ZNF331: variants seen among roughly 807,000 people sequenced by gnomAD.
ZNF331 encodes zinc finger protein 331.
A neutral mutation model predicts 7.0 loss-of-function variants in ZNF331; 2 were observed. The observed-to-expected ratio is 0.29, with a 90% CI of 0.12 to 0.90. The LOEUF is 0.90. Among genes scored for constraint, ZNF331 ranks in the 40% least tolerant of loss-of-function variants. The pLI is 0.58. For missense variants in ZNF331, 432 were observed against 587.7 expected (o/e 0.74, Z 2.74); for synonymous variants, 196 against 205.4 (o/e 0.95, Z 0.39).
chr19:53,539,578 A>G lies in ZNF331; in HGVS notation c.-138+296A>G, dbSNP rs6509789. On this transcript the variant is annotated intron_variant, in intron 2 of 5. Transcript: ENST00000449416. This position sits in a 1 kb window ranked among gnomAD's most constrained non-coding sequence, Gnocchi z 6.1. ...GGGATGGGTGTTTGCAGGTTCACAA[A>G]ATGAACCACAGCCTCAAATGGCCTA... 5 of 152,086 alleles carry G rather than the reference A, an allele frequency of 3.3e-5. No individual in the cohort carries two copies. Among genetic ancestry groups the G allele is most frequent in the Non-Finnish European group, 7.4e-5 (5 of 68,024 alleles). The allele number at this position is 152,086 out of a possible 1,614,324, so 9.4% of individuals were successfully genotyped here.
At position 53,560,734 on chromosome 19, in the gene ZNF331, C is replaced by G. The variant is rs1030499836; in HGVS notation, c.-74+4826C>G. On this transcript the variant is annotated intron_variant, in intron 3 of 5. Transcript: ENST00000449416. The surrounding 1 kb of genome is among the most constrained non-coding windows in gnomAD (Gnocchi z 4.3). ...AGTTCGTGACCCCTTCTTCCATCAG[C>G]AAAGCCTGAAAAGACAAGTCCTTTT... 6.6e-6 allele frequency among the ~76,000 whole-genome samples: 1 copy of G among 152,136 alleles called. No individual in the cohort carries two copies. Among genetic ancestry groups the G allele is most frequent in the African/African-American group, 2.4e-5 (1 of 41,412 alleles).
At position 53,538,225 on chromosome 19, in the gene ZNF331, G is replaced by C. The variant is rs1312306625; in HGVS notation, c.-276G>C. 6.6e-6 allele frequency: 1 copy of C among 152,328 alleles called. No individual in the cohort carries two copies. The highest frequency in any genetic ancestry group is 1.9e-4 in the East Asian group (1 of 5,164). The allele number at this position is 152,328 out of a possible 1,614,324, so 9.4% of individuals were successfully genotyped here. Reference sequence around the variant, plus strand: ...ACGGGTGCACGCGAGCGTCATTGGGGGCGATGGGGGCCGTGCTGGGTGCGC... The same window carrying C: ...ACGGGTGCACGCGAGCGTCATTGGGCGCGATGGGGGCCGTGCTGGGTGCGC... On this transcript the variant is annotated 5_prime_UTR_variant, in exon 1 of 6. Coordinates refer to ENST00000449416, the MANE Select transcript of ZNF331 (RefSeq NM_001079906.2).
rs2090448747 is a variant in ZNF331 at position 53,571,610 on chromosome 19, G to A, written c.16G>A (p.Val6Met). 6.2e-7 allele frequency: 1 copy of A among 1,613,746 alleles called. No homozygotes were observed. Among genetic ancestry groups the A allele is most frequent in the South Asian group, 1.1e-5 (1 of 91,052 alleles). Residue 6 changes from valine to methionine, a missense_variant, in exon 5 of 6, where the codon GTG (valine) becomes ATG (methionine). Coordinates refer to ENST00000449416, the MANE Select transcript of ZNF331 (RefSeq NM_001079906.2). This position sits in a 1 kb window ranked among gnomAD's most constrained non-coding sequence, Gnocchi z 4.7. MAQGL[V>M]TFADVAIDFS... is the part of the protein sequence containing the mutation. ...GTGTGGGTTTCTGTTTCAGGGTTTG[G>A]TGACGTTCGCCGACGTAGCCATAGA...
Position 53,580,084 on chromosome 19 carries a change from CAA to C in ZNF331, c.*2133_*2134del, listed in dbSNP as rs150517137. The C allele has an allele frequency of 4.9e-3, 1,044 of 211,414 alleles. 12 individuals are homozygous for C. The highest frequency in any genetic ancestry group is 0.022 in the African/African-American group (980 of 44,220). The allele number at this position is 211,414 out of a possible 1,614,324, so 13.1% of individuals were successfully genotyped here. Reference sequence around the variant, plus strand: ...GATGATTAAATTTAAATCACAATAACAAGGCTGATTTCAGATGTCTCACCACA... The same window carrying C: ...GATGATTAAATTTAAATCACAATAACGGCTGATTTCAGATGTCTCACCACA... On this transcript the variant is annotated 3_prime_UTR_variant, in exon 6 of 6. Coordinates refer to ENST00000449416, the MANE Select transcript of ZNF331 (RefSeq NM_001079906.2).
At chr19:53,511,647 G>A in the ZNF331 span, among the ~76,000 whole-genome samples, 1 of 152,138 alleles carries the variant, frequency 6.6e-6, no homozygotes, top group Non-Finnish European at 1.5e-5. Context: ...ATAGAGATGC[G>A]TCTCAGGTTT....
chr19:53,577,237 G>A lies in ZNF331; in HGVS notation c.677G>A (p.Arg226His), dbSNP rs2090763827. Residue 226 changes from arginine to histidine, a missense_variant, in exon 6 of 6, where the codon CGT becomes CAT. Coordinates refer to ENST00000449416, the MANE Select transcript of ZNF331 (RefSeq NM_001079906.2). Reference protein sequence around the residue: ...ECKDCGKAFRRGDELTQHQRF... With the variant: ...ECKDCGKAFRHGDELTQHQRF... ...AAAGACTGTGGAAAGGCCTTTCGGC[G>A]TGGTGATGAGCTCACTCAGCACCAG... is the stretch of plus-strand genomic sequence containing the variant. 2 of 1,614,082 alleles carry A rather than the reference G, an allele frequency of 1.2e-6. No homozygotes were observed. The highest frequency in any genetic ancestry group is 1.7e-6 in the Non-Finnish European group (2 of 1,180,032).
rs1228107567 is a variant in ZNF331, at chr19:53,571,761, G to T, written c.136+31G>T. On this transcript the variant is annotated intron_variant, in intron 5 of 5. Transcript: ENST00000449416. The surrounding 1 kb of genome is among the most constrained non-coding windows in gnomAD (Gnocchi z 4.7). ...TTGCACGCCTCAGATAACTTAGACT[G>T]CCTCCTGGAATATCCGCTCTCCCCT... The T allele has an allele frequency of 3.8e-6, 6 of 1,580,364 alleles. No individual in the cohort carries two copies. The highest frequency in any genetic ancestry group is 5.2e-6 in the Non-Finnish European group (6 of 1,163,256).
chr19:53,551,708 C>CA (rs1350400028), intron 2 of ZNF331, among the ~76,000 whole-genome samples: 4 of 152,112 alleles, frequency 2.6e-5, no homozygotes, highest in Non-Finnish European at 5.9e-5. Flanking sequence ...CTGTATTGAA[C>CA]ATGTACAGAC....
At chr19:53,562,892 G>A (rs1477762785) in intron 3 of ZNF331, among the ~76,000 whole-genome samples, 2 of 151,742 alleles carry the variant, frequency 1.3e-5, no homozygotes, top group Non-Finnish European at 2.9e-5. Flanking sequence ...GGAGACTGAG[G>A]CAGGAGAATC....
Position 53,566,652 on chromosome 19 carries a change from C to A in ZNF331, c.-73-2652C>A, listed in dbSNP as rs2090170189. Among the ~76,000 whole-genome samples the A allele has an allele frequency of 2.0e-5, 3 of 152,104 alleles. No individual in the cohort carries two copies. In the South Asian group the frequency reaches 6.2e-4, roughly 31 times the overall value. On this transcript the variant is annotated intron_variant, in intron 3 of 5. Coordinates refer to ENST00000449416, the MANE Select transcript of ZNF331 (RefSeq NM_001079906.2). ...TTGCATAGGACAGGTTAGCAGGGAACCAGGCTCAGTTTAGGCACAGCGAGC... is the reference window on the plus strand; with the variant it reads ...TTGCATAGGACAGGTTAGCAGGGAAACAGGCTCAGTTTAGGCACAGCGAGC...
At chr19:53,523,656 C>G (rs2087177015) in intron 2 of ZNF331, 1 of 151,904 alleles carries the variant, frequency 6.6e-6, no homozygotes, top group Non-Finnish European at 1.5e-5. Context: ...TGTCTTCACT[C>G]TGTTGATTGC....
chr19:53,544,033 C>G (rs2088375260), intron 2 of ZNF331, among the ~76,000 whole-genome samples: 1 of 151,688 alleles, frequency 6.6e-6, no homozygotes. Flanking sequence ...TCGAGACCGT[C>G]CTGGCCACCA....
At chr19:53,510,979 T>A in the ZNF331 span, among the ~76,000 whole-genome samples, 182 of 152,306 alleles carry the variant, frequency 1.2e-3, no homozygotes, top group Admixed American at 3.0e-3. Context: ...TGTAAATACC[T>A]GCTGCGTGTA....
At chr19:53,520,372 CG>C (rs1292236728), upstream of ZNF331, among the ~76,000 whole-genome samples, 6 of 152,074 alleles carry the variant, frequency 3.9e-5, no homozygotes, top group African/African-American at 1.2e-4. Context: ...CAGAAGGACG[CG>C]GGGACACGCC....
chr19:53,527,319 C>T (rs2087343014), intron 2 of ZNF331, among the ~76,000 whole-genome samples: 1 of 152,136 alleles, frequency 6.6e-6, no homozygotes, highest in African/African-American at 2.4e-5. Context: ...TTGTGGGAAG[C>T]ATAACAAGTG....
At chr19:53,549,326 T>C (rs569383564) in intron 2 of ZNF331, among the ~76,000 whole-genome samples, 4 of 152,280 alleles carry the variant, frequency 2.6e-5, no homozygotes, top group Non-Finnish European at 4.4e-5. Flanking sequence ...AATAGGTCCG[T>C]TGCCCCATGA....
At chr19:53,559,495 CATAT>C (rs1173469390) in intron 3 of ZNF331, among the ~76,000 whole-genome samples, 1 of 149,722 alleles carries the variant, frequency 6.7e-6, no homozygotes, top group Non-Finnish European at 1.5e-5. Flanking sequence ...CATATATATG[CATAT>C]ATACACACCT....
intron 2 of ZNF331, among the ~76,000 whole-genome samples, chr19:53,542,243 A>G (rs180747530): frequency 6.9e-4 from 105 of 152,302 alleles, no homozygotes; most frequent in African/African-American, 2.5e-3. Context: ...TTGTTTTGAA[A>G]TATCTCACAT....
Position 53,565,529 on chromosome 19 carries a change from A to AT in ZNF331, c.-73-3766dup, listed in dbSNP as rs548666219. On this transcript the variant is annotated intron_variant, in intron 3 of 5. Transcript: ENST00000449416. ...TTGTCCTTTATCCTTTTTTATTTTT[A>AT]TTTTTTTTTCTTTTTGAGACAGAGT... Among the ~76,000 whole-genome samples, 7 of 149,020 alleles carry AT rather than the reference A, an allele frequency of 4.7e-5. No individual in the cohort carries two copies. The East Asian group carries it at 5.9e-4, about 13-fold the overall frequency.
Sources: gnomAD v4.1 joint callset for allele counts (sites outside exome capture counted in the v4.1 genomes callset) on GRCh38, gnomAD v4.1.1 for gene constraint, Gnocchi (gnomAD v3.1) non-coding constraint, MANE v1.5 for transcripts, NCBI Gene and HGNC (gene_info 2026-07-23, HGNC 2026-07-21) for gene names.